MIPOL1: variants seen among roughly 807,000 people sequenced by gnomAD.
MIPOL1 encodes mirror-image polydactyly 1.
MIPOL1 carries 57 observed loss-of-function variants against 60.9 expected under a neutral mutation model. That is an observed-to-expected ratio of 0.94 (90% CI 0.76 to 1.17). The LOEUF (loss-of-function observed/expected upper bound fraction) is 1.17. Ranked by LOEUF, MIPOL1 falls within the 50% of genes most tolerant of loss-of-function variation. The pLI is 0.00. For synonymous variants in MIPOL1, 179 were observed against 168.8 expected (o/e 1.06, Z -0.47); for missense variants, 551 against 511.6 (o/e 1.08, Z -0.74).
chr14:37,303,295 C>CA (rs1052936860), intron 7 of MIPOL1, among the ~76,000 whole-genome samples: 3 of 151,860 alleles, frequency 2.0e-5, no homozygotes, highest in Non-Finnish European at 2.9e-5. Flanking sequence ...TTTACACAGG[C>CA]AACTCAAACT....
At chr14:37,228,145 C>G (rs978679440) in intron 1 of MIPOL1, among the ~76,000 whole-genome samples, 2 of 152,030 alleles carry the variant, frequency 1.3e-5, no homozygotes, top group African/African-American at 4.8e-5. Context: ...AATGATTGAC[C>G]TAAGGCAACA....
intron 9 of MIPOL1, among the ~76,000 whole-genome samples, chr14:37,334,688 A>C (rs1489744238): frequency 1.3e-5 from 2 of 151,994 alleles, no homozygotes; most frequent in East Asian, 3.9e-4. Context: ...TATTTCCACC[A>C]GCCCTAAGCA....
chr14:37,293,280 A>G (rs1289244498), intron 7 of MIPOL1, among the ~76,000 whole-genome samples: 2 of 152,132 alleles, frequency 1.3e-5, no homozygotes, highest in African/African-American at 4.8e-5. Flanking sequence ...AGCCAAAATA[A>G]TCATCTTTGC....
intron 9 of MIPOL1, among the ~76,000 whole-genome samples, chr14:37,356,555 C>G (rs533412851): frequency 1.3e-5 from 2 of 152,148 alleles, no homozygotes; most frequent in Non-Finnish European, 2.9e-5. Flanking sequence ...TAGCAATCAG[C>G]GAGACTCTGT....
Position 37,320,553 on chromosome 14 carries a change from C to T in MIPOL1, c.828+12034C>T, listed in dbSNP as rs2153446518. ...ATATATTTATACAGTCTGTGGCTTG[C>T]ATTTTTATTCTCTTAATGCTGTCTT... On this transcript the variant is annotated intron_variant, in intron 9 of 12. Transcript: ENST00000684589. Among the ~76,000 whole-genome samples the T allele has an allele frequency of 1.3e-5, 2 of 151,994 alleles. 1 individual carries two copies. The highest frequency in any genetic ancestry group is 4.1e-4 in the South Asian group (2 of 4,820).
At chr14:37,244,000 T>C (rs1379622480) in intron 1 of MIPOL1, among the ~76,000 whole-genome samples, 7 of 151,830 alleles carry the variant, frequency 4.6e-5, no homozygotes, top group Non-Finnish European at 1.0e-4. Flanking sequence ...TGTAGGAAAC[T>C]TTATCAGATA....
intron 12 of MIPOL1, among the ~76,000 whole-genome samples, chr14:37,513,975 A>G (rs1381677107): frequency 6.6e-6 from 1 of 152,198 alleles, no homozygotes; most frequent in Non-Finnish European, 1.5e-5. Flanking sequence ...TGCCAGTACT[A>G]CAGTGATTTT....
At chr14:37,382,855 C>T (rs1161359477) in intron 10 of MIPOL1, among the ~76,000 whole-genome samples, 1 of 151,868 alleles carries the variant, frequency 6.6e-6, no homozygotes, top group Non-Finnish European at 1.5e-5. Flanking sequence ...CTTGGAAAAT[C>T]ACTCTTGCCT....
At chr14:37,421,204 TG>T (rs1437005813) in intron 10 of MIPOL1, among the ~76,000 whole-genome samples, 7 of 152,152 alleles carry the variant, frequency 4.6e-5, no homozygotes, top group Non-Finnish European at 1.0e-4. Context: ...CAAGAATTTT[TG>T]TTTTGTTGGT....
chr14:37,388,598 C>G (rs2093144370), intron 10 of MIPOL1, among the ~76,000 whole-genome samples: 2 of 150,660 alleles, frequency 1.3e-5, no homozygotes, highest in Middle Eastern at 6.8e-3. Flanking sequence ...AATGAAGATA[C>G]AGAGCATTTC....
At chr14:37,198,553 G>A (rs767804898) in intron 1 of MIPOL1, among the ~76,000 whole-genome samples, 7 of 151,930 alleles carry the variant, frequency 4.6e-5, no homozygotes, top group Non-Finnish European at 7.4e-5. Flanking sequence ...AGCGCGCTAA[G>A]CCATGCTGTA....
At chr14:37,452,042 C>G (rs1019936279) in intron 11 of MIPOL1, among the ~76,000 whole-genome samples, 4 of 151,586 alleles carry the variant, frequency 2.6e-5, no homozygotes, top group Non-Finnish European at 5.9e-5. Flanking sequence ...GTCTCGATCT[C>G]CTGACCTCGT....
chr14:37,538,459 CA>C (rs949681934), intron 12 of MIPOL1, among the ~76,000 whole-genome samples: 1 of 151,174 alleles, frequency 6.6e-6, no homozygotes, highest in Non-Finnish European at 1.5e-5. Context: ...CTCAAAAGAA[CA>C]AAAAAAAGTG....
intron 9 of MIPOL1, among the ~76,000 whole-genome samples, chr14:37,364,979 G>A (rs1050694330): frequency 6.6e-6 from 1 of 152,132 alleles, no homozygotes; most frequent in East Asian, 1.9e-4. Context: ...AAATGGGAGT[G>A]TTTTCTAAAA....
chr14:37,506,188 A>T (rs2095274455), intron 12 of MIPOL1: 1 of 152,210 alleles, frequency 6.6e-6, no homozygotes, highest in Non-Finnish European at 1.5e-5. Flanking sequence ...AAGGTAATTT[A>T]TAGATTCAGT....
rs1431583485 is a variant in MIPOL1, at chr14:37,355,524, C to T, written c.829-13993C>T. On this transcript the variant is annotated intron_variant, in intron 9 of 12. Transcript: ENST00000684589. ...TGTTTTCCAACTTGGTTCCATTCTC[C>T]CTGTCACTTTCAGGTACACCAATGA... Among the ~76,000 whole-genome samples the T allele has an allele frequency of 4.6e-5, 7 of 151,422 alleles. No individual in the cohort carries two copies. The East Asian group carries it at 1.4e-3, about 30-fold the overall frequency.
At chr14:37,521,670 T>C (rs1317268110) in intron 12 of MIPOL1, among the ~76,000 whole-genome samples, 1 of 152,060 alleles carries the variant, frequency 6.6e-6, no homozygotes, top group Non-Finnish European at 1.5e-5. Context: ...AGTCAGCTGA[T>C]TGAGTCATGA....
At chr14:37,347,911 A>G (rs2091061586) in intron 9 of MIPOL1, among the ~76,000 whole-genome samples, 1 of 152,104 alleles carries the variant, frequency 6.6e-6, no homozygotes, top group African/African-American at 2.4e-5. Context: ...CGTTAATAAA[A>G]CTTTTTCTTT....
chr14:37,496,831 T>C lies in MIPOL1; in HGVS notation c.1032-3077T>C, dbSNP rs1190547083. On this transcript the variant is annotated intron_variant, in intron 11 of 12. Coordinates refer to ENST00000684589, the MANE Select transcript of MIPOL1 (RefSeq NM_001388067.1). ...AAGTTCGTATGGAACCAAAAAAGAG[T>C]CTGCATCGCCAAGTCAATCCTAAGC... 2.6e-5 allele frequency among the ~76,000 whole-genome samples: 4 copies of C among 151,848 alleles called. No individual in the cohort carries two copies. The East Asian group carries it at 5.8e-4, about 22-fold the overall frequency.
Sources: allele counts gnomAD v4.1 joint callset (sites outside exome capture counted in the v4.1 genomes callset), GRCh38; gene constraint gnomAD v4.1.1; transcripts MANE v1.5; gene names NCBI Gene and HGNC (gene_info 2026-07-23, HGNC 2026-07-21).